The following CNTNAP2 variants were observed in gnomAD, a reference collection of about 807,000 sequenced individuals.
CNTNAP2 encodes the protein contactin-associated protein-like 2.
In CNTNAP2, 98 loss-of-function variants were observed where a neutral mutation model predicts 155.2. The observed-to-expected ratio is 0.63, with a 90% CI of 0.54 to 0.75. CNTNAP2 has a LOEUF of 0.75. Ranked by LOEUF, CNTNAP2 falls within the 30% of genes least tolerant of loss-of-function variation. The probability of loss-of-function intolerance (pLI) is 0.00; values close to 1 mark genes in which losing one functional copy is unlikely to be tolerated. For synonymous variants in CNTNAP2, 651 were observed against 631.2 expected (o/e 1.03, Z -0.47); for missense variants, 1,727 against 1,688.1 (o/e 1.02, Z -0.40).
At chr7:146,899,873 T>C (rs974213101) in intron 3 of CNTNAP2, among the ~76,000 whole-genome samples, 1 of 152,204 alleles carries the variant, frequency 6.6e-6, no homozygotes, top group Non-Finnish European at 1.5e-5. Context: ...TAAGAGCAAG[T>C]GGCCCTGTTT....
intron 16 of CNTNAP2, among the ~76,000 whole-genome samples, chr7:148,132,558 T>C (rs1804854464): frequency 6.6e-6 from 1 of 152,104 alleles, no homozygotes. Flanking sequence ...TGTAGTTGAG[T>C]GTTGATTCAA....
intron 4 of CNTNAP2, among the ~76,000 whole-genome samples, chr7:147,049,280 G>A (rs1338656708): frequency 6.6e-6 from 1 of 152,132 alleles, no homozygotes; most frequent in African/African-American, 2.4e-5. Flanking sequence ...TTTGAAGAAT[G>A]AAAATTACAC....
chr7:146,685,538 G>A (rs1326593494), intron 1 of CNTNAP2, among the ~76,000 whole-genome samples: 1 of 152,172 alleles, frequency 6.6e-6, no homozygotes, highest in African/African-American at 2.4e-5. Context: ...TGACTTTTGT[G>A]ACTATCTTGA....
intron 1 of CNTNAP2, among the ~76,000 whole-genome samples, chr7:146,536,151 G>A (rs1472657612): frequency 1.3e-5 from 2 of 151,990 alleles, no homozygotes; most frequent in Admixed American, 1.3e-4. Context: ...ATGGTAGATT[G>A]TTATTTTTGA....
intron 1 of CNTNAP2, among the ~76,000 whole-genome samples, chr7:146,713,117 T>C (rs1801127791): frequency 1.3e-5 from 2 of 152,014 alleles, no homozygotes; most frequent in Admixed American, 1.3e-4. Flanking sequence ...AATATAACAT[T>C]AGTAATGCAA....
chr7:146,963,651 G>GTGCCTAAATAT (rs1797598670), intron 3 of CNTNAP2, among the ~76,000 whole-genome samples: 1 of 151,872 alleles, frequency 6.6e-6, no homozygotes, highest in African/African-American at 2.4e-5. Flanking sequence ...TATTCAGCCA[G>GTGCCTAAATAT]ATTTAAAACA....
chr7:146,921,870 G>A (rs1461980989), intron 3 of CNTNAP2, among the ~76,000 whole-genome samples: 1 of 152,152 alleles, frequency 6.6e-6, no homozygotes, highest in Non-Finnish European at 1.5e-5. Context: ...AAGCTTCTGT[G>A]AATTTTCTGC....
chr7:146,420,263 C>T (rs1795992347), intron 1 of CNTNAP2, among the ~76,000 whole-genome samples: 1 of 152,046 alleles, frequency 6.6e-6, no homozygotes, highest in Non-Finnish European at 1.5e-5. Context: ...TGGAATCTCA[C>T]CTTCAAGCTT....
chr7:148,266,949 G>A, intron 20 of CNTNAP2, 84 bp from the exon 21 acceptor site: 2 of 1,244,534 alleles, frequency 1.6e-6, no homozygotes, highest in East Asian at 2.3e-5. Flanking sequence ...GGTTCAAAGA[G>A]TGATGTCATC....
intron 11 of CNTNAP2, among the ~76,000 whole-genome samples, chr7:147,535,628 G>A (rs1434397563): frequency 6.6e-6 from 1 of 152,140 alleles, no homozygotes; most frequent in East Asian, 1.9e-4. Context: ...TCTGATGAAT[G>A]TGTAATGGAG....
At chr7:146,642,200 C>A (rs1004775038) in intron 1 of CNTNAP2, among the ~76,000 whole-genome samples, 1 of 150,686 alleles carries the variant, frequency 6.6e-6, no homozygotes, top group Non-Finnish European at 1.5e-5. Flanking sequence ...GGTACATGTG[C>A]ACAATGTGCA....
intron 3 of CNTNAP2, among the ~76,000 whole-genome samples, chr7:146,913,876 C>T (rs547019803): frequency 2.6e-5 from 4 of 151,892 alleles, no homozygotes; most frequent in African/African-American, 4.8e-5. Context: ...ACACCGTACC[C>T]AATGTGTAGT....
intron 9 of CNTNAP2, among the ~76,000 whole-genome samples, chr7:147,320,399 G>T (rs114158774): frequency 0.011 from 1,638 of 152,216 alleles, 30 homozygotes; most frequent in African/African-American, 0.038. Flanking sequence ...TTACTGAAAA[G>T]ATCATGAAAA....
chr7:146,383,940 T>G (rs1487399258), intron 1 of CNTNAP2, among the ~76,000 whole-genome samples: 1 of 152,170 alleles, frequency 6.6e-6, no homozygotes, highest in Non-Finnish European at 1.5e-5. Flanking sequence ...TAGGTTAATT[T>G]TTTCATAGAG....
intron 1 of CNTNAP2, among the ~76,000 whole-genome samples, chr7:146,552,601 A>G (rs1353687261): frequency 6.6e-6 from 1 of 151,918 alleles, no homozygotes; most frequent in Non-Finnish European, 1.5e-5. Context: ...TCCCTCCTCT[A>G]ACGACTTTCC....
rs146553621 is a variant in CNTNAP2 at position 146,599,101 on chromosome 7, T to C, written c.98-175170T>C. 4.7e-3 allele frequency among the ~76,000 whole-genome samples: 721 copies of C among 152,228 alleles called. 5 individuals are homozygous for C. The highest frequency in any genetic ancestry group is 0.016 in the African/African-American group (666 of 41,554). ...AACTAATCAAAATATATGTTGTCTC[T>C]GCCTTCAAGATATGTCTAGAATCTA... On this transcript the variant is annotated intron_variant, in intron 1 of 23. Coordinates refer to ENST00000361727, the MANE Select transcript of CNTNAP2 (RefSeq NM_014141.6).
chr7:147,860,567 G>A (rs908889395), intron 13 of CNTNAP2, among the ~76,000 whole-genome samples: 1 of 143,366 alleles, frequency 7.0e-6, no homozygotes. Flanking sequence ...TCCAGCCTAG[G>A]CAACAGAGTG....
At chr7:146,289,426 G>A (rs1800393331) in intron 1 of CNTNAP2, among the ~76,000 whole-genome samples, 1 of 152,038 alleles carries the variant, frequency 6.6e-6, no homozygotes, top group Non-Finnish European at 1.5e-5. Flanking sequence ...TATTGACTGT[G>A]TTTATGCTTA....
chr7:146,452,764 T>C (rs978220394), intron 1 of CNTNAP2, among the ~76,000 whole-genome samples: 8 of 152,220 alleles, frequency 5.3e-5, no homozygotes, highest in African/African-American at 1.9e-4. Flanking sequence ...ACCACTAGAT[T>C]CTAAGTCCTT....
Sources: allele counts gnomAD v4.1 joint callset (sites outside exome capture counted in the v4.1 genomes callset), GRCh38; gene constraint gnomAD v4.1.1; transcripts MANE v1.5; gene names NCBI Gene and HGNC (gene_info 2026-07-23, HGNC 2026-07-21).